TP63: variants seen among roughly 807,000 people sequenced by gnomAD.
The protein encoded by TP63 is tumor protein 63.
A neutral mutation model predicts 82.8 loss-of-function variants in TP63; 17 were observed. The observed-to-expected ratio is 0.21, with a 90% CI of 0.14 to 0.31. TP63 has a LOEUF of 0.31. Among genes scored for constraint, TP63 ranks in the 10% least tolerant of loss-of-function variants. TP63 has a pLI of 1.00. For synonymous variants in TP63, 330 were observed against 321.7 expected, an observed-to-expected ratio of 1.03 and a Z score of -0.28; for missense variants, 648 against 895.3, an observed-to-expected ratio of 0.72 and a Z score of 3.52.
At chr3:189,605,047 CAG>C in the TP63 span, among the ~76,000 whole-genome samples, 1 of 152,148 alleles carries the variant, frequency 6.6e-6, no homozygotes, top group Non-Finnish European at 1.5e-5. Flanking sequence ...CTGAGGGTCT[CAG>C]AGCTCTCTTG....
At chr3:189,695,078 G>C (rs1319892043) in intron 1 of TP63, among the ~76,000 whole-genome samples, 2 of 151,724 alleles carry the variant, frequency 1.3e-5, no homozygotes, top group African/African-American at 4.8e-5. Flanking sequence ...TAAGAGTGGA[G>C]AGTTATTTTC....
At chr3:189,798,494 G>A (rs1576981949) in intron 3 of TP63, among the ~76,000 whole-genome samples, 1 of 152,024 alleles carries the variant, frequency 6.6e-6, no homozygotes, top group African/African-American at 2.4e-5. Flanking sequence ...GACAGAGAAT[G>A]TGTTTGATTA....
At chr3:189,620,318 A>G in the TP63 span, among the ~76,000 whole-genome samples, 1 of 152,052 alleles carries the variant, frequency 6.6e-6, no homozygotes, top group Non-Finnish European at 1.5e-5. Context: ...AGGTCAAGAG[A>G]TCGAGACCAT....
intron 11 of TP63, 50 bp downstream of exon 11, chr3:189,886,601 A>T (rs756236219): frequency 6.2e-7 from 1 of 1,609,516 alleles, no homozygotes; most frequent in African/African-American, 1.3e-5. Context: ...AGGCTAGCTT[A>T]GGACAAGACT....
At chr3:189,806,532 G>A (rs999162919) in intron 3 of TP63, among the ~76,000 whole-genome samples, 3 of 152,210 alleles carry the variant, frequency 2.0e-5, no homozygotes, top group Non-Finnish European at 2.9e-5. Context: ...TAGTTCAGCC[G>A]GGGTATGGAC....
At chr3:189,894,157 G>T in intron 13 of TP63, 49 bp from the exon 14 acceptor site, 1 of 1,611,866 alleles carries the variant, frequency 6.2e-7, no homozygotes, top group Non-Finnish European at 8.5e-7. Context: ...CTAAATGTCC[G>T]TTTTTCTCCC....
intron 1 of TP63, among the ~76,000 whole-genome samples, chr3:189,685,324 C>G (rs6769332): frequency 0.33 from 50,852 of 151,984 alleles, 9,097 homozygotes; most frequent in African/African-American, 0.47. Context: ...GATGTTTCTC[C>G]CTTTGCCCTG....
At chr3:189,669,021 C>A (rs1403384284) in intron 1 of TP63, among the ~76,000 whole-genome samples, 30 of 149,350 alleles carry the variant, frequency 2.0e-4, no homozygotes, top group African/African-American at 5.9e-4. Context: ...TGAAAGAAAC[C>A]AAAAAAAAAA....
intron 7 of TP63, 85 bp from the exon 8 acceptor site, chr3:189,868,495 A>G (rs988327683): frequency 6.3e-6 from 10 of 1,575,802 alleles, no homozygotes; most frequent in African/African-American, 5.4e-5. Context: ...GATGGCCCAT[A>G]TGGGAAGTGG....
intron 3 of TP63, among the ~76,000 whole-genome samples, chr3:189,776,124 C>T (rs1429119511): frequency 6.6e-6 from 1 of 152,146 alleles, no homozygotes; most frequent in East Asian, 1.9e-4. Flanking sequence ...AGTTGCAAAA[C>T]ATTGGGACAC....
the TP63 span, among the ~76,000 whole-genome samples, chr3:189,603,166 A>G: frequency 6.6e-6 from 1 of 152,156 alleles, no homozygotes; most frequent in Non-Finnish European, 1.5e-5. Context: ...GCTGATTCTC[A>G]AAATGCTACA....
At chr3:189,779,316 A>G (rs1013795729) in intron 3 of TP63, among the ~76,000 whole-genome samples, 14 of 152,186 alleles carry the variant, frequency 9.2e-5, no homozygotes, top group African/African-American at 3.4e-4. Context: ...AGCAGCCTCC[A>G]TAGGCCAGAA....
chr3:189,781,987 G>A (rs12488121), intron 3 of TP63, among the ~76,000 whole-genome samples: 18,020 of 152,092 alleles, frequency 0.12, 1,173 homozygotes, highest in East Asian at 0.32. Flanking sequence ...ACTAAATCCA[G>A]TTAACAGGTT....
chr3:189,741,156 A>C (rs950965090), intron 3 of TP63, among the ~76,000 whole-genome samples: 1 of 152,138 alleles, frequency 6.6e-6, no homozygotes, highest in Non-Finnish European at 1.5e-5. Context: ...AGAGTGAGAA[A>C]GAATTTAACT....
chr3:189,786,793 G>A (rs533243258), intron 3 of TP63, among the ~76,000 whole-genome samples: 4 of 152,106 alleles, frequency 2.6e-5, no homozygotes, highest in South Asian at 2.1e-4. Context: ...GGACATTGAC[G>A]TAAAATCCTT....
chr3:189,881,526 C>T (rs1220333783), intron 10 of TP63: 38 of 985,182 alleles, frequency 3.9e-5, no homozygotes, highest in Non-Finnish European at 4.3e-5. Flanking sequence ...CTGTCTCTCT[C>T]ACTTTTTTTC....
intron 10 of TP63, chr3:189,881,453 G>A (rs1719903959): frequency 2.0e-6 from 2 of 985,236 alleles, no homozygotes; most frequent in African/African-American, 3.5e-5. Flanking sequence ...TGCTTTTGTG[G>A]ATGTGTGATT....
At chr3:189,835,165 T>G (rs1408705735) in intron 4 of TP63, among the ~76,000 whole-genome samples, 1 of 152,182 alleles carries the variant, frequency 6.6e-6, no homozygotes, top group East Asian at 1.9e-4. Flanking sequence ...TCTTCTTAAC[T>G]TTATATTCTC....
chr3:189,604,338 A>T, the TP63 span, among the ~76,000 whole-genome samples: 1 of 152,196 alleles, frequency 6.6e-6, no homozygotes, highest in Non-Finnish European at 1.5e-5. Flanking sequence ...TCTACCTACT[A>T]TTTAGCTCTC....
Sources: gnomAD v4.1 joint callset for allele counts (sites outside exome capture counted in the v4.1 genomes callset) on GRCh38, gnomAD v4.1.1 for gene constraint, MANE v1.5 for transcripts, NCBI Gene and HGNC (gene_info 2026-07-23, HGNC 2026-07-21) for gene names.